The following TMEM117 variants were observed in gnomAD, a reference collection of about 807,000 sequenced individuals.
TMEM117 encodes transmembrane protein 117.
In TMEM117, 27 loss-of-function variants were observed where a neutral mutation model predicts 52.4. That is an observed-to-expected ratio of 0.51 (90% CI 0.38 to 0.71). The LOEUF is 0.71. Ranked by LOEUF, TMEM117 falls within the 30% of genes least tolerant of loss-of-function variation. The pLI, the probability that TMEM117 is intolerant of heterozygous loss-of-function variation, is 0.00. For synonymous variants in TMEM117, 215 were observed against 206.3 expected, an observed-to-expected ratio of 1.04 and a Z score of -0.36; for missense variants, 556 against 630.5, an observed-to-expected ratio of 0.88 and a Z score of 1.26.
At chr12:44,193,828 G>A (rs755650112) in intron 4 of TMEM117, among the ~76,000 whole-genome samples, 5 of 152,074 alleles carry the variant, frequency 3.3e-5, no homozygotes, top group Non-Finnish European at 7.4e-5. Flanking sequence ...TTCACAGAAC[G>A]AAGCAAAAAT....
chr12:44,320,806 C>G (rs76655600), intron 6 of TMEM117, among the ~76,000 whole-genome samples: 7,314 of 152,222 alleles, frequency 0.048, 361 homozygotes, highest in African/African-American at 0.12. Flanking sequence ...TTATTTTACT[C>G]TTCCATTTAA....
intron 5 of TMEM117, among the ~76,000 whole-genome samples, chr12:44,267,245 T>G (rs1950389674): frequency 6.6e-6 from 1 of 152,144 alleles, no homozygotes; most frequent in Admixed American, 6.6e-5. Flanking sequence ...GTTACATTTA[T>G]TTTTAAATAT....
intron 6 of TMEM117, among the ~76,000 whole-genome samples, chr12:44,319,923 T>C (rs1224319367): frequency 6.6e-6 from 1 of 152,222 alleles, no homozygotes; most frequent in African/African-American, 2.4e-5. Context: ...TGCCCTGTGT[T>C]TCCTTATCTT....
intron 3 of TMEM117, among the ~76,000 whole-genome samples, chr12:43,945,280 G>C (rs1019018386): frequency 6.6e-6 from 1 of 152,058 alleles, no homozygotes; most frequent in African/African-American, 2.4e-5. Flanking sequence ...TGAAACACAA[G>C]GATTGGTCTT....
chr12:43,997,879 C>G (rs1946057095), intron 3 of TMEM117, among the ~76,000 whole-genome samples: 1 of 152,156 alleles, frequency 6.6e-6, no homozygotes, highest in Non-Finnish European at 1.5e-5. Flanking sequence ...GATCACATAC[C>G]TAGTAAGTGT....
At chr12:44,026,809 CTAT>C (rs1274438406) in intron 3 of TMEM117, among the ~76,000 whole-genome samples, 1 of 151,906 alleles carries the variant, frequency 6.6e-6, no homozygotes, top group African/African-American at 2.4e-5. Context: ...CATATTTGCA[CTAT>C]TATTTTCTGT....
Position 43,971,146 on chromosome 12 carries a change from T to C in TMEM117, c.410+26804T>C, listed in dbSNP as rs557390428. ...GCATATAGTAAATCACAAAGGCTTA[T>C]TGATTCTACCTGCTAAGTATCTCTC... On this transcript the variant is annotated intron_variant, in intron 3 of 7. Transcript: ENST00000266534. 8.4e-4 allele frequency among the ~76,000 whole-genome samples: 128 copies of C among 152,346 alleles called. 1 individual carries two copies. Among genetic ancestry groups the C allele is most frequent in the Non-Finnish European group, 1.3e-3 (88 of 68,022 alleles).
chr12:43,884,522 A>G (rs977992469), intron 2 of TMEM117, among the ~76,000 whole-genome samples: 2 of 152,106 alleles, frequency 1.3e-5, no homozygotes, highest in Admixed American at 1.3e-4. Flanking sequence ...TCTGTTGATG[A>G]GGGGGTTTTG....
At chr12:44,062,135 G>A (rs1054690387) in intron 3 of TMEM117, among the ~76,000 whole-genome samples, 2 of 152,166 alleles carry the variant, frequency 1.3e-5, no homozygotes, top group Non-Finnish European at 1.5e-5. Flanking sequence ...GAAGGCAAAT[G>A]TTTTGGACCA....
At chr12:44,147,795 A>G (rs1948665541) in intron 4 of TMEM117, among the ~76,000 whole-genome samples, 1 of 151,936 alleles carries the variant, frequency 6.6e-6, no homozygotes, top group East Asian at 1.9e-4. Context: ...AGCTGGATAT[A>G]GTGGCACATG....
At position 44,017,326 on chromosome 12, in the gene TMEM117, CTT is replaced by C. The variant is rs79007657; in HGVS notation, c.410+73002_410+73003del. ...TCAAGCTTTTCCTTTTCTTTCTTTC[CTT>C]TTTTTTTTTTTTTTTTTGGTGATGA... On this transcript the variant is annotated intron_variant, in intron 3 of 7. Coordinates refer to ENST00000266534, the MANE Select transcript of TMEM117 (RefSeq NM_032256.3). Among the ~76,000 whole-genome samples, 487 of 97,086 alleles carry C rather than the reference CTT, an allele frequency of 5.0e-3. 8 individuals carry two copies. Among genetic ancestry groups the C allele is most frequent in the African/African-American group, 0.017 (414 of 24,134 alleles). 63.7% of individuals were successfully genotyped at this position (97,086 alleles called of 152,430 possible).
intron 6 of TMEM117, among the ~76,000 whole-genome samples, chr12:44,323,045 G>C (rs1276638367): frequency 6.6e-6 from 1 of 152,162 alleles, no homozygotes; most frequent in Admixed American, 6.6e-5. Context: ...AGAGATAGCA[G>C]TGTGAGAAGG....
At chr12:44,154,200 T>G (rs1470061901) in intron 4 of TMEM117, among the ~76,000 whole-genome samples, 1 of 152,048 alleles carries the variant, frequency 6.6e-6, no homozygotes, top group African/African-American at 2.4e-5. Flanking sequence ...GCAATAGAAA[T>G]TACTGGTCAA....
intron 5 of TMEM117, among the ~76,000 whole-genome samples, chr12:44,260,310 C>G (rs1191479433): frequency 6.6e-6 from 1 of 151,958 alleles, no homozygotes; most frequent in Non-Finnish European, 1.5e-5. Context: ...TTTGACTTGC[C>G]CTCTGGCTAA....
At chr12:43,992,178 A>T (rs1396710918) in intron 3 of TMEM117, among the ~76,000 whole-genome samples, 3 of 152,148 alleles carry the variant, frequency 2.0e-5, no homozygotes, top group Non-Finnish European at 4.4e-5. Flanking sequence ...GTCTCCAAAA[A>T]AAAAAGGCAA....
In TMEM117 at chr12:44,289,550, CTTTTTTT is replaced by C. The variant is rs60675070; in HGVS notation, c.609-10016_609-10010del. The stretch of plus-strand genomic sequence containing the variant: ...AGAGATCTGTTTTCTTTTCTTTTCT[CTTTTTTT>C]TTTTTTTTTTTTTGAGACAGAGTCT... On this transcript the variant is annotated intron_variant, in intron 5 of 7. Transcript: ENST00000266534. 8.3e-4 allele frequency among the ~76,000 whole-genome samples: 101 copies of C among 121,950 alleles called. No homozygotes were observed. The South Asian group carries it at 0.021, about 26-fold the overall frequency. 80.0% of individuals were successfully genotyped at this position (121,950 alleles called of 152,430 possible).
At chr12:44,290,545 T>A (rs553557938) in intron 5 of TMEM117, among the ~76,000 whole-genome samples, 1 of 152,220 alleles carries the variant, frequency 6.6e-6, no homozygotes, top group Non-Finnish European at 1.5e-5. Flanking sequence ...TATTGGTCTA[T>A]GTATCTCATT....
chr12:43,906,462 C>CAA (rs3064352), intron 2 of TMEM117, among the ~76,000 whole-genome samples: 98,656 of 141,214 alleles, frequency 0.7, 36,525 homozygotes, highest in Non-Finnish European at 0.82. Flanking sequence ...GACGCTGTCT[C>CAA]AAAAAAAAAA....
chr12:44,392,510 T>C (rs997528639), downstream of TMEM117, among the ~76,000 whole-genome samples: 2 of 152,146 alleles, frequency 1.3e-5, no homozygotes, highest in Non-Finnish European at 2.9e-5. Flanking sequence ...GTTGTTTTGC[T>C]GGTTAGCTGG....
Sources: allele counts gnomAD v4.1 joint callset (sites outside exome capture counted in the v4.1 genomes callset), GRCh38; gene constraint gnomAD v4.1.1; transcripts MANE v1.5; gene names NCBI Gene and HGNC (gene_info 2026-07-23, HGNC 2026-07-21).